The following HIRA variants were observed in gnomAD, a reference collection of about 807,000 sequenced individuals.
The protein encoded by HIRA is protein HIRA.
A neutral mutation model predicts 126.6 loss-of-function variants in HIRA; 13 were observed. That is an observed-to-expected ratio of 0.10 (90% CI 0.07 to 0.16). The LOEUF is 0.16. Ranked by LOEUF, HIRA falls within the 10% of genes least tolerant of loss-of-function variation. HIRA has a pLI of 1.00. For missense variants in HIRA, 834 were observed against 1,314.4 expected, an observed-to-expected ratio of 0.63 and a Z score of 5.65; for synonymous variants, 511 against 520.0, an observed-to-expected ratio of 0.98 and a Z score of 0.24.
intron 1 of HIRA, among the ~76,000 whole-genome samples, chr22:19,420,577 C>G (rs570856010): frequency 6.6e-6 from 1 of 152,008 alleles, no homozygotes; most frequent in Non-Finnish European, 1.5e-5. Flanking sequence ...TTCTTTCCCC[C>G]CTCATTTTGC....
chr22:19,398,204 C>A, intron 5 of HIRA, 117 bp from the exon 6 acceptor site: 1 of 715,548 alleles, frequency 1.4e-6, no homozygotes. Context: ...ATTTTTTAAC[C>A]AACCTGAAAA....
rs201952367 is a variant in HIRA at position 19,411,818 on chromosome 22, G to T, written c.38-1040C>A. On this transcript the variant is annotated intron_variant, in intron 1 of 24. Transcript: ENST00000263208. ...CCCTAGAATCACTCAGCAAGTACTG[G>T]GATCAGGAGTGTGTGGGCAGGCAGT... Among the ~76,000 whole-genome samples the T allele has an allele frequency of 3.3e-5, 5 of 152,290 alleles. No individual in the cohort carries two copies. The East Asian group carries it at 5.8e-4, about 18-fold the overall frequency.
intron 13 of HIRA, among the ~76,000 whole-genome samples, chr22:19,382,922 C>G (rs932362948): frequency 1.3e-5 from 2 of 152,128 alleles, no homozygotes; most frequent in African/African-American, 4.8e-5. Flanking sequence ...TGTTTGGGAG[C>G]CCTACTCTCT....
At chr22:19,374,692 G>C (rs1267098287) in intron 15 of HIRA, among the ~76,000 whole-genome samples, 1 of 152,132 alleles carries the variant, frequency 6.6e-6, no homozygotes, top group African/African-American at 2.4e-5. Context: ...ACCATCTACT[G>C]CAAGGACAGG....
chr22:19,344,619 C>T (rs2088666688), intron 24 of HIRA, among the ~76,000 whole-genome samples: 1 of 152,134 alleles, frequency 6.6e-6, no homozygotes, highest in South Asian at 2.1e-4. Context: ...TAGGTAGGAA[C>T]ACTTCCTATT....
chr22:19,405,933 T>C (rs1424457945), intron 4 of HIRA, 53 bp from the exon 5 acceptor site: 12 of 1,210,322 alleles, frequency 9.9e-6, no homozygotes, highest in Non-Finnish European at 1.3e-5. Context: ...GGGCACTGCA[T>C]AGAAATGCTC....
intron 18 of HIRA, 71 bp downstream of exon 18, chr22:19,359,265 A>G (rs1601815941): frequency 7.0e-7 from 1 of 1,435,648 alleles, no homozygotes; most frequent in African/African-American, 1.5e-5. Context: ...TCCCCTAGAC[A>G]GGCCCAGGCC....
chr22:19,421,035 C>T (rs1170391870), intron 1 of HIRA, among the ~76,000 whole-genome samples: 6 of 152,138 alleles, frequency 3.9e-5, no homozygotes, highest in African/African-American at 7.2e-5. Flanking sequence ...CAGTGGCTCA[C>T]GCCTGTAATC....
chr22:19,389,160 A>T (rs2089154579), intron 9 of HIRA, among the ~76,000 whole-genome samples: 1 of 152,186 alleles, frequency 6.6e-6, no homozygotes. Flanking sequence ...CAAAGTAAGA[A>T]TTTATTTTAT....
At chr22:19,358,191 G>T (rs1601815100) in intron 18 of HIRA, among the ~76,000 whole-genome samples, 1 of 152,128 alleles carries the variant, frequency 6.6e-6, no homozygotes, top group African/African-American at 2.4e-5. Context: ...GTAGAGATGG[G>T]GTTTCAATAT....
chr22:19,385,644 G>C lies in HIRA; in HGVS notation c.1206C>G (p.Leu402=). The change falls in exon 12 of 25, where the codon CTC becomes CTG. Residue 402 remains leucine, a synonymous_variant. Transcript: ENST00000263208. ...STAVIENPEM[L]KYQRRQQQQQ... ...GCTGCTGCTGCCTTCGCTGGTACTT[G>C]AGCATCTCAGGGTTCTCAATGACGG... is the stretch of plus-strand genomic sequence containing the variant. The C allele has an allele frequency of 6.2e-7, 1 of 1,614,190 alleles. No individual in the cohort carries two copies. The highest frequency in any genetic ancestry group is 8.5e-7 in the Non-Finnish European group (1 of 1,180,046).
At chr22:19,425,459 C>T (rs2089481622) in intron 1 of HIRA, among the ~76,000 whole-genome samples, 1 of 152,166 alleles carries the variant, frequency 6.6e-6, no homozygotes, top group African/African-American at 2.4e-5. Context: ...AGAGCATCCT[C>T]TTCCTGGTCA....
At chr22:19,349,393 G>A (rs1556010133) in intron 24 of HIRA, among the ~76,000 whole-genome samples, 3 of 152,188 alleles carry the variant, frequency 2.0e-5, no homozygotes, top group African/African-American at 7.2e-5. Flanking sequence ...ATGAGCCACT[G>A]TGCCCGGCGA....
chr22:19,420,697 A>G (rs1369317589), intron 1 of HIRA, among the ~76,000 whole-genome samples: 1 of 149,602 alleles, frequency 6.7e-6, no homozygotes, highest in African/African-American at 2.6e-5. Context: ...TCTGAGCGAC[A>G]AAGTAAGACC....
intron 5 of HIRA, among the ~76,000 whole-genome samples, chr22:19,400,385 G>T (rs2089258017): frequency 1.3e-5 from 2 of 152,202 alleles, no homozygotes; most frequent in Non-Finnish European, 2.9e-5. Flanking sequence ...ATGTGAGGAA[G>T]AATCCATTTT....
Position 19,353,980 on chromosome 22 carries a change from C to T in HIRA, c.2684+16G>A. The T allele has an allele frequency of 6.2e-7, 1 of 1,612,050 alleles. No individual in the cohort carries two copies. The highest frequency in any genetic ancestry group is 8.5e-7 in the Non-Finnish European group (1 of 1,179,190). ...GCAGGACTAAGGACAGTGGCCATGG[C>T]ATTCAGGTCACGTACTTGGAGGTGC... On this transcript the variant is annotated intron_variant, in intron 22 of 24. Coordinates refer to ENST00000263208, the MANE Select transcript of HIRA (RefSeq NM_003325.4).
intron 9 of HIRA, among the ~76,000 whole-genome samples, chr22:19,388,762 C>T (rs1283042170): frequency 6.6e-6 from 1 of 152,156 alleles, no homozygotes; most frequent in Non-Finnish European, 1.5e-5. Context: ...TAGAGTGGAC[C>T]CTGCCTCCAG....
At chr22:19,354,262 C>T in intron 21 of HIRA, 144 bp from the exon 22 acceptor site, 1 of 719,396 alleles carries the variant, frequency 1.4e-6, no homozygotes, top group Non-Finnish European at 2.2e-6. Context: ...AGCGCCCCTG[C>T]ACTTCCGCAC....
chr22:19,398,802 C>T (rs2089244074), intron 5 of HIRA, among the ~76,000 whole-genome samples: 1 of 152,044 alleles, frequency 6.6e-6, no homozygotes, highest in African/African-American at 2.4e-5. Context: ...CATGGCAAAA[C>T]CCTATCTCTA....
Sources: allele counts gnomAD v4.1 joint callset (sites outside exome capture counted in the v4.1 genomes callset), GRCh38; gene constraint gnomAD v4.1.1; transcripts MANE v1.5; gene names NCBI Gene and HGNC (gene_info 2026-07-23, HGNC 2026-07-21).